LIN28B: variants seen among roughly 807,000 people sequenced by gnomAD.
LIN28B encodes lin-28 RNA binding posttranscriptional regulator B, also known as protein lin-28 homolog B.
In LIN28B, 5 loss-of-function variants were observed where a neutral mutation model predicts 21.9. That is an observed-to-expected ratio of 0.23 (90% confidence interval 0.12 to 0.48). The LOEUF (loss-of-function observed/expected upper bound fraction) is 0.48. Ranked by LOEUF, LIN28B falls within the 20% of genes least tolerant of loss-of-function variation. The pLI is 0.98. For synonymous variants in LIN28B, 109 were observed against 111.3 expected, an observed-to-expected ratio of 0.98 and a Z score of 0.13; for missense variants, 245 against 310.5, an observed-to-expected ratio of 0.79 and a Z score of 1.58.
intron 3 of LIN28B, among the ~76,000 whole-genome samples, chr6:105,071,375 C>G (rs1415672434): frequency 6.6e-6 from 1 of 151,994 alleles, no homozygotes; most frequent in African/African-American, 2.4e-5. Flanking sequence ...CATTATTCTA[C>G]TATCTGCAAA....
intron 3 of LIN28B, among the ~76,000 whole-genome samples, chr6:104,950,823 T>C (rs1778212786): frequency 1.3e-5 from 2 of 152,158 alleles, no homozygotes; most frequent in African/African-American, 2.4e-5. Flanking sequence ...TAAATGCTTA[T>C]GGAGATGAAT....
chr6:105,076,887 A>G (rs1297473173), intron 3 of LIN28B, among the ~76,000 whole-genome samples: 1 of 151,364 alleles, frequency 6.6e-6, no homozygotes, highest in African/African-American at 2.4e-5. Context: ...TACAAGCGTG[A>G]GCCACCGCCA....
intron 2 of LIN28B, among the ~76,000 whole-genome samples, chr6:105,024,728 A>T (rs1002082078): frequency 6.6e-6 from 1 of 152,110 alleles, no homozygotes; most frequent in Admixed American, 6.6e-5. Flanking sequence ...TGCTTTCACA[A>T]TGAATGGTCT....
chr6:105,064,305 G>A (rs1477359659), intron 3 of LIN28B, among the ~76,000 whole-genome samples: 1 of 152,184 alleles, frequency 6.6e-6, no homozygotes, highest in Non-Finnish European at 1.5e-5. Flanking sequence ...TGTAGATCAA[G>A]TATATTGACA....
intron 3 of LIN28B, among the ~76,000 whole-genome samples, chr6:105,077,478 T>C (rs923838064): frequency 4.6e-5 from 7 of 152,262 alleles, no homozygotes; most frequent in African/African-American, 9.6e-5. Flanking sequence ...TGAACAAATA[T>C]ACCTCTGAAA....
At chr6:104,943,646 A>AT (rs979619093) in intron 2 of LIN28B, among the ~76,000 whole-genome samples, 3 of 152,108 alleles carry the variant, frequency 2.0e-5, no homozygotes, top group African/African-American at 7.2e-5. Context: ...CTTATTAGGT[A>AT]TTTTTTAATA....
At chr6:104,947,281 C>T (rs777332903) in intron 2 of LIN28B, among the ~76,000 whole-genome samples, 3 of 152,046 alleles carry the variant, frequency 2.0e-5, no homozygotes, top group Non-Finnish European at 4.4e-5. Flanking sequence ...TGCACGACCA[C>T]GCCTGGCTAA....
chr6:104,998,270 A>C (rs1449757790), intron 2 of LIN28B, among the ~76,000 whole-genome samples: 1 of 152,198 alleles, frequency 6.6e-6, no homozygotes, highest in Non-Finnish European at 1.5e-5. Flanking sequence ...AAGTCCTGTG[A>C]CTATATTTTA....
At chr6:105,061,610 G>C (rs221627) in intron 3 of LIN28B, among the ~76,000 whole-genome samples, 123,848 of 150,688 alleles carry the variant, frequency 0.82, 51,033 homozygotes, top group Non-Finnish European at 0.86. Context: ...ATATATGGAG[G>C]TTTATAATTA....
In LIN28B at chr6:105,081,507, T is replaced by C. The variant is rs1772541240; in HGVS notation, c.*2724T>C. 2 of 152,658 alleles carry C rather than the reference T, an allele frequency of 1.3e-5. No individual in the cohort carries two copies. The highest frequency in any genetic ancestry group is 4.8e-5 in the African/African-American group (2 of 41,468). 9.5% of individuals were successfully genotyped at this position (152,658 alleles called of 1,614,324 possible). ...GCCTTACAGGTGGCTGATAATTCTC[T>C]GGTACAGAACCTTTTTATCTGTATT... is the stretch of plus-strand genomic sequence containing the variant. On this transcript the variant is annotated 3_prime_UTR_variant, in exon 4 of 4. Transcript: ENST00000345080.
chr6:105,072,838 G>A (rs2114418784), intron 3 of LIN28B, among the ~76,000 whole-genome samples: 1 of 152,282 alleles, frequency 6.6e-6, no homozygotes, highest in South Asian at 2.1e-4. Flanking sequence ...CTATTAAAGA[G>A]ACTTACTAGT....
Position 104,993,479 on chromosome 6 carries a change from A to G in LIN28B, c.199-32819A>G, listed in dbSNP as rs185151239. Among the ~76,000 whole-genome samples, 1,006 of 152,246 alleles carry G rather than the reference A, an allele frequency of 6.6e-3. 5 individuals are homozygous for G. The highest frequency in any genetic ancestry group is 0.012 in the South Asian group (56 of 4,822). ...AGACCCTTTCTCAAAAAAACAAAAC[A>G]AAACAAGATTTTATTGTTGAATAAA... On this transcript the variant is annotated intron_variant, in intron 2 of 3. Transcript: ENST00000345080.
At position 105,012,469 on chromosome 6, in the gene LIN28B, C is replaced by CA. The variant is rs746170800; in HGVS notation, c.199-13818dup. Among the ~76,000 whole-genome samples, 545 of 135,956 alleles carry CA rather than the reference C, an allele frequency of 4.0e-3. 2 individuals carry two copies. Among genetic ancestry groups the CA allele is most frequent in the South Asian group, 6.3e-3 (26 of 4,158 alleles). 89.2% of individuals were successfully genotyped at this position (135,956 alleles called of 152,430 possible). ...GGGTGACAGAGCAAGACTCCATCTC[C>CA]AAAAAAAAAAACAAAAACAAACAAA... On this transcript the variant is annotated intron_variant, in intron 2 of 3. Coordinates refer to ENST00000345080, the MANE Select transcript of LIN28B (RefSeq NM_001004317.4).
intron 3 of LIN28B, among the ~76,000 whole-genome samples, chr6:105,037,711 A>G (rs576989315): frequency 2.0e-5 from 3 of 151,714 alleles, no homozygotes; most frequent in African/African-American, 7.2e-5. Flanking sequence ...GGGTTTTGCC[A>G]CGTTGCCCAG....
chr6:105,075,176 CT>C (rs1772401773), intron 3 of LIN28B, among the ~76,000 whole-genome samples: 1 of 152,152 alleles, frequency 6.6e-6, no homozygotes, highest in Admixed American at 6.6e-5. Flanking sequence ...AGACTATGTC[CT>C]TATATTTCTT....
At chr6:105,061,517 C>T (rs1772121122) in intron 3 of LIN28B, among the ~76,000 whole-genome samples, 1 of 142,130 alleles carries the variant, frequency 7.0e-6, no homozygotes, top group African/African-American at 2.6e-5. Context: ...GCTCCCCCCA[C>T]CCCCACCCCC....
chr6:105,056,546 T>G (rs1388162840), intron 3 of LIN28B, among the ~76,000 whole-genome samples: 2 of 152,160 alleles, frequency 1.3e-5, no homozygotes, highest in African/African-American at 4.8e-5. Context: ...TTTCTTGACT[T>G]CTGGCCAGGC....
chr6:105,003,882 T>C (rs1439836701), intron 2 of LIN28B, among the ~76,000 whole-genome samples: 1 of 152,180 alleles, frequency 6.6e-6, no homozygotes, highest in Non-Finnish European at 1.5e-5. Flanking sequence ...AAGGCTGATA[T>C]ATTTGTCAGG....
chr6:105,008,537 G>A (rs1355842926), intron 2 of LIN28B, among the ~76,000 whole-genome samples: 2 of 151,874 alleles, frequency 1.3e-5, no homozygotes, highest in South Asian at 2.1e-4. Flanking sequence ...CCAGCTACTC[G>A]GGAGGCTGAG....
Sources: gnomAD v4.1 joint callset for allele counts (sites outside exome capture counted in the v4.1 genomes callset) on GRCh38, gnomAD v4.1.1 for gene constraint, MANE v1.5 for transcripts, NCBI Gene and HGNC (gene_info 2026-07-23, HGNC 2026-07-21) for gene names.